NKAIN3: variants seen among roughly 807,000 people sequenced by gnomAD.
NKAIN3 encodes the protein sodium/potassium-transporting ATPase subunit beta-1-interacting protein 3.
In NKAIN3, 25 loss-of-function variants were observed where a neutral mutation model predicts 30.2. The ratio of observed to expected loss-of-function variants is 0.83; its 90% confidence interval spans 0.60 to 1.16. The LOEUF is 1.16. Among genes scored for constraint, NKAIN3 ranks in the 50% most tolerant of loss-of-function variants. NKAIN3 has a pLI of 0.00. For missense variants in NKAIN3, 225 were observed against 254.1 expected, an observed-to-expected ratio of 0.89 and a Z score of 0.78; for synonymous variants, 91 against 89.6, an observed-to-expected ratio of 1.02 and a Z score of -0.09.
At chr8:62,838,319 C>CAT (rs1313157534) in intron 4 of NKAIN3, among the ~76,000 whole-genome samples, 22 of 151,166 alleles carry the variant, frequency 1.5e-4, no homozygotes, top group East Asian at 9.8e-4. Flanking sequence ...TATATATATA[C>CAT]ATATATATAT....
At chr8:62,858,801 G>A (rs1371708170) in intron 4 of NKAIN3, among the ~76,000 whole-genome samples, 3 of 152,316 alleles carry the variant, frequency 2.0e-5, no homozygotes, top group African/African-American at 7.2e-5. Context: ...CCCTTTTACT[G>A]CAGGCTGGCT....
At chr8:62,804,942 C>T (rs375655820) in intron 4 of NKAIN3, among the ~76,000 whole-genome samples, 18 of 152,320 alleles carry the variant, frequency 1.2e-4, no homozygotes, top group South Asian at 2.1e-4. Context: ...TGATAAGCAG[C>T]TTCAGCAAAG....
chr8:62,401,314 T>C (rs2129595247), intron 1 of NKAIN3, among the ~76,000 whole-genome samples: 1 of 151,582 alleles, frequency 6.6e-6, no homozygotes, highest in South Asian at 2.1e-4. Context: ...ATTTATCTCA[T>C]AGGATTCAGA....
chr8:62,745,599 A>T (rs562191303), intron 3 of NKAIN3, among the ~76,000 whole-genome samples: 3 of 152,206 alleles, frequency 2.0e-5, no homozygotes, highest in Admixed American at 1.3e-4. Context: ...TGACCACAAC[A>T]TTATGATCTT....
At chr8:62,620,666 C>CT (rs1811595101) in intron 3 of NKAIN3, among the ~76,000 whole-genome samples, 1 of 152,160 alleles carries the variant, frequency 6.6e-6, no homozygotes, top group Admixed American at 6.5e-5. Context: ...GGAAAGAACT[C>CT]TACTTTTTTC....
chr8:62,807,047 T>G (rs1263125712), intron 4 of NKAIN3, among the ~76,000 whole-genome samples: 1 of 152,088 alleles, frequency 6.6e-6, no homozygotes, highest in Non-Finnish European at 1.5e-5. Flanking sequence ...TTTCACTACT[T>G]TGTACATCAC....
chr8:62,422,248 A>G (rs1804663559), intron 1 of NKAIN3, among the ~76,000 whole-genome samples: 2 of 152,118 alleles, frequency 1.3e-5, no homozygotes, highest in Non-Finnish European at 2.9e-5. Flanking sequence ...AAGGCCTATT[A>G]TGGTGAGAAT....
At chr8:62,892,693 TAAA>T (rs5891874) in intron 4 of NKAIN3, among the ~76,000 whole-genome samples, 3 of 150,866 alleles carry the variant, frequency 2.0e-5, no homozygotes, top group Non-Finnish European at 4.4e-5. Context: ...TTTTATTTGG[TAAA>T]AAAAAAATAG....
At chr8:62,868,211 A>C (rs1314814967) in intron 4 of NKAIN3, among the ~76,000 whole-genome samples, 1 of 152,232 alleles carries the variant, frequency 6.6e-6, no homozygotes, top group Non-Finnish European at 1.5e-5. Context: ...TGAGCTTTAC[A>C]ACTGCTTTAA....
At chr8:62,884,466 A>T (rs1248460680) in intron 4 of NKAIN3, among the ~76,000 whole-genome samples, 2 of 152,146 alleles carry the variant, frequency 1.3e-5, no homozygotes, top group African/African-American at 4.8e-5. Context: ...CATGTTGGTC[A>T]GGCTGGTCTC....
At chr8:62,680,279 A>C (rs2130415186) in intron 3 of NKAIN3, among the ~76,000 whole-genome samples, 1 of 152,318 alleles carries the variant, frequency 6.6e-6, no homozygotes, top group Non-Finnish European at 1.5e-5. Flanking sequence ...AGAAAAACAC[A>C]GCCCTGCTGA....
At chr8:62,388,012 A>G (rs1333070488) in intron 1 of NKAIN3, among the ~76,000 whole-genome samples, 4 of 152,204 alleles carry the variant, frequency 2.6e-5, no homozygotes, top group Non-Finnish European at 2.9e-5. Flanking sequence ...AGCCATGGGT[A>G]AATTTCACTC....
chr8:62,997,133 C>T (rs886735161), intron 5 of NKAIN3, among the ~76,000 whole-genome samples: 13 of 152,212 alleles, frequency 8.5e-5, no homozygotes, highest in African/African-American at 2.6e-4. Flanking sequence ...TGAAGACCAG[C>T]GTGGGAGGCA....
chr8:62,579,662 C>T lies in NKAIN3; in HGVS notation c.178C>T (p.Arg60Ter), dbSNP rs1479454443. The change falls in exon 2 of 7, where the codon CGA (arginine) becomes TGA (stop). Residue 60 changes from arginine to a stop codon, truncating the protein, a stop_gained. Transcript: ENST00000623646. LOFTEE classifies it high-confidence loss of function. Reference sequence around the variant, plus strand: ...GTTTGGGACCATTCAGTACAGACCTCGATACATAATGGTGGTAAGTCTTAT... The same window carrying T: ...GTTTGGGACCATTCAGTACAGACCTTGATACATAATGGTGGTAAGTCTTAT... ...GLFGTIQYRPRYIMVYTVWTA... is the reference protein window; with the variant it reads ...GLFGTIQYRP The T allele has an allele frequency of 3.3e-6, 5 of 1,512,946 alleles. No individual in the cohort carries two copies. Among genetic ancestry groups the T allele is most frequent in the East Asian group, 4.8e-5 (2 of 41,502 alleles). The allele number at this position is 1,512,946 out of a possible 1,614,324, so 93.7% of individuals were successfully genotyped here.
chr8:62,333,077 C>T (rs1815409102), intron 1 of NKAIN3, among the ~76,000 whole-genome samples: 1 of 152,064 alleles, frequency 6.6e-6, no homozygotes, highest in Non-Finnish European at 1.5e-5. Flanking sequence ...CAAACTAGTA[C>T]TTTAAAAGAT....
intron 3 of NKAIN3, among the ~76,000 whole-genome samples, chr8:62,671,374 T>A (rs1813298397): frequency 6.6e-6 from 1 of 152,164 alleles, no homozygotes; most frequent in South Asian, 2.1e-4. Context: ...GTGCCGAGAT[T>A]GTATTGACTT....
intron 1 of NKAIN3, among the ~76,000 whole-genome samples, chr8:62,398,325 A>G (rs1411760297): frequency 3.3e-5 from 5 of 152,230 alleles, no homozygotes; most frequent in Non-Finnish European, 5.9e-5. Flanking sequence ...ATCCTTTGCC[A>G]CCTATAGTTA....
At chr8:62,758,037 C>T (rs1351239480) in intron 4 of NKAIN3, among the ~76,000 whole-genome samples, 1 of 152,128 alleles carries the variant, frequency 6.6e-6, no homozygotes, top group Admixed American at 6.6e-5. Context: ...CCCAGAGTGC[C>T]CTGGAAATAC....
intron 1 of NKAIN3, among the ~76,000 whole-genome samples, chr8:62,277,369 T>C (rs1812996966): frequency 1.3e-5 from 2 of 152,120 alleles, no homozygotes; most frequent in African/African-American, 2.4e-5. Flanking sequence ...TAGGTAGAAT[T>C]GTGGGGATGT....
Sources: allele counts gnomAD v4.1 joint callset (sites outside exome capture counted in the v4.1 genomes callset), GRCh38; gene constraint gnomAD v4.1.1; transcripts MANE v1.5; gene names NCBI Gene and HGNC (gene_info 2026-07-23, HGNC 2026-07-21).